Variants in NLRP9 observed in about 807,000 individuals in gnomAD.
The protein encoded by NLRP9 is NACHT, LRR and PYD domains-containing protein 9.
NLRP9 carries 88 observed loss-of-function variants against 83.1 expected under a neutral mutation model. That is an observed-to-expected ratio of 1.06 (90% confidence interval 0.89 to 1.26). The LOEUF (loss-of-function observed/expected upper bound fraction) is 1.26. Among genes scored for constraint, NLRP9 ranks in the 50% most tolerant of loss-of-function variants. The probability of loss-of-function intolerance (pLI) is 0.00; values close to 1 mark genes in which losing one functional copy is unlikely to be tolerated. For synonymous variants in NLRP9, 521 were observed against 447.6 expected (o/e 1.16, Z -2.07); for missense variants, 1,308 against 1,179.3 (o/e 1.11, Z -1.60).
At chr19:55,729,538 G>A (rs557647801) in intron 3 of NLRP9, among the ~76,000 whole-genome samples, 6 of 151,806 alleles carry the variant, frequency 4.0e-5, no homozygotes, top group Non-Finnish European at 5.9e-5. Flanking sequence ...TTCCAGCTTC[G>A]TCCATGTTCC....
At chr19:55,713,007 T>TA (rs1293017258) in intron 6 of NLRP9, among the ~76,000 whole-genome samples, 1 of 143,110 alleles carries the variant, frequency 7.0e-6, no homozygotes, top group Non-Finnish European at 1.5e-5. Context: ...AGCAATGACT[T>TA]CCCAGTTCCT....
At chr19:55,716,626 T>G in intron 5 of NLRP9, 102 bp downstream of exon 5, 1 of 941,096 alleles carries the variant, frequency 1.1e-6, no homozygotes, top group Admixed American at 1.9e-5. Flanking sequence ...GGATTCCGCA[T>G]TCTGCTGCAC....
chr19:55,725,513 CAG>C (rs1371214450), intron 3 of NLRP9, among the ~76,000 whole-genome samples: 2 of 152,126 alleles, frequency 1.3e-5, no homozygotes, highest in Non-Finnish European at 2.9e-5. Flanking sequence ...AATCAAAACA[CAG>C]ATAAGGGCAG....
intron 4 of NLRP9, among the ~76,000 whole-genome samples, chr19:55,718,966 GAGTC>G (rs1333383449): frequency 6.6e-6 from 1 of 152,282 alleles, no homozygotes; most frequent in East Asian, 1.9e-4. Context: ...ATTAAATTGA[GAGTC>G]AGATCCCAGC....
chr19:55,717,466 CAT>C (rs1275034901), intron 4 of NLRP9, among the ~76,000 whole-genome samples: 3 of 152,170 alleles, frequency 2.0e-5, no homozygotes, highest in African/African-American at 4.8e-5. Flanking sequence ...CTAATGGAGA[CAT>C]GTGGAAATGT....
At position 55,732,131 on chromosome 19, in the gene NLRP9, TCTTC is replaced by T; in HGVS notation, c.1696_1699del (p.Glu566LysfsTer9). The T allele has an allele frequency of 1.2e-6, 2 of 1,613,088 alleles. No individual in the cohort carries two copies. The highest frequency in any genetic ancestry group is 1.7e-6 in the Non-Finnish European group (2 of 1,179,640). ...TATGTTACCAATATAAATGAAAACT[TCTTC>T]AAAGAAATTCATCACTTTGGTTACA... On this transcript the variant is annotated frameshift_variant, in exon 2 of 9. Transcript: ENST00000332836. LOFTEE classifies it high-confidence loss of function.
At chr19:55,731,870 A>G in intron 2 of NLRP9, 129 bp downstream of exon 2, 1 of 603,448 alleles carries the variant, frequency 1.7e-6, no homozygotes, top group Non-Finnish European at 2.9e-6. Flanking sequence ...AAGGCTCGAA[A>G]GGAAGGCTTT....
chr19:55,713,622 T>C (rs1469672516), intron 6 of NLRP9, among the ~76,000 whole-genome samples: 4 of 10,456 alleles, frequency 3.8e-4, no homozygotes, highest in Non-Finnish European at 5.7e-4. Flanking sequence ...CTCTCCCTCT[T>C]ACTCCCCTCC....
Position 55,711,928 on chromosome 19 carries a change from G to C in NLRP9, c.2715C>G (p.Ile905Met), listed in dbSNP as rs111292272. 1 of 1,613,162 alleles carries C rather than the reference G, an allele frequency of 6.2e-7. No individual in the cohort carries two copies. Among genetic ancestry groups the C allele is most frequent in the South Asian group, 1.1e-5 (1 of 91,076 alleles). Residue 905 changes from isoleucine to methionine, a missense_variant, in exon 8 of 9, where the codon ATC becomes ATG. Transcript: ENST00000332836. ...TTTTGCAGGCGATGAGTGCTGCGGC[G>C]ATGTCGTCGCAGCAGGCACGGGTGA... ...CPITRACCDDIAAALIACKTL... is the reference protein window; with the variant it reads ...CPITRACCDDMAAALIACKTL...
intron 3 of NLRP9, among the ~76,000 whole-genome samples, chr19:55,726,228 T>C (rs2122316369): frequency 6.6e-6 from 1 of 152,034 alleles, no homozygotes; most frequent in Middle Eastern, 3.4e-3. Flanking sequence ...CAACAGACAA[T>C]ATGGTGGGAA....
Position 55,712,527 on chromosome 19 carries a change from A to G in NLRP9, c.2565T>C (p.Asn855=). The G allele has an allele frequency of 1.2e-6, 2 of 1,612,728 alleles. No homozygotes were observed. The highest frequency in any genetic ancestry group is 1.7e-6 in the Non-Finnish European group (2 of 1,179,862). ...CAAGTTTCAGGGTCTTCAGTTTCCCATTGCAAATAAGAACAGCAGCAATGT... is the reference window on the plus strand; with the variant it reads ...CAAGTTTCAGGGTCTTCAGTTTCCCGTTGCAAATAAGAACAGCAGCAATGT... ...CKDIAAVLIC[N]GKLKTLKLGH... is the part of the protein sequence containing the mutation. Residue 855 remains asparagine, a synonymous_variant, in exon 7 of 9, where the codon AAT becomes AAC. Transcript: ENST00000332836.
At chr19:55,727,820 CTG>C (rs1988446129) in intron 3 of NLRP9, among the ~76,000 whole-genome samples, 1 of 152,186 alleles carries the variant, frequency 6.6e-6, no homozygotes, top group Non-Finnish European at 1.5e-5. Flanking sequence ...CAGAGAAACA[CTG>C]TGCTCCCCAA....
rs753289469 is a variant in NLRP9, at chr19:55,732,727, A to G, written c.1104T>C (p.Tyr368=). ...EINSQNTTYL[Y]ASFLTTVFKA... Reference sequence around the variant, plus strand: ...TGAATACAGTTGTTAAAAAGGATGCATATAAATAGGTGGTGTTTTGGGAGT... The same window carrying G: ...TGAATACAGTTGTTAAAAAGGATGCGTATAAATAGGTGGTGTTTTGGGAGT... Residue 368 remains tyrosine, a synonymous_variant, in exon 2 of 9, where the codon TAT becomes TAC. Coordinates refer to ENST00000332836, the MANE Select transcript of NLRP9 (RefSeq NM_176820.4). 2 of 1,614,040 alleles carry G rather than the reference A, an allele frequency of 1.2e-6. No homozygotes were observed. Among genetic ancestry groups the G allele is most frequent in the South Asian group, 1.1e-5 (1 of 91,088 alleles).
rs1330903883 is a variant in NLRP9, at chr19:55,732,876, T to C, written c.955A>G (p.Lys319Glu). 1 of 1,613,984 alleles carries C rather than the reference T, an allele frequency of 6.2e-7. No individual in the cohort carries two copies. ...YFFGEKSKAL[K>E]VFNFVRDNGP... ...TTATCTCTCACAAAATTGAAGACTT[T>C]CAGGGCTTTGCTCTTCTCACCAAAG... Residue 319 changes from lysine (K) to glutamate (E), a missense_variant, in exon 2 of 9, where the codon AAA becomes GAA. By Grantham distance (56) the Lys-to-Glu change is moderately conservative (BLOSUM62 1). Transcript: ENST00000332836.
intron 7 of NLRP9, 140 bp from the exon 8 acceptor site, chr19:55,712,110 G>A: frequency 1.2e-6 from 1 of 829,546 alleles, no homozygotes; most frequent in Non-Finnish European, 1.9e-6. Context: ...GGACGATTGT[G>A]CTCCTGGGGG....
chr19:55,712,012 G>C, intron 7 of NLRP9, 42 bp from the exon 8 acceptor site: 1 of 1,595,632 alleles, frequency 6.3e-7, no homozygotes. Flanking sequence ...TCTAGCTTTG[G>C]GTAGGCTGGA....
chr19:55,711,861 C>A lies in NLRP9; in HGVS notation c.2782G>T (p.Asp928Tyr). The A allele has an allele frequency of 6.2e-7, 1 of 1,613,400 alleles. No individual in the cohort carries two copies. The highest frequency in any genetic ancestry group is 1.7e-5 in the Admixed American group (1 of 60,010). ...LNLDWIALDADAVVVLCEALS... is the reference protein window; with the variant it reads ...LNLDWIALDAYAVVVLCEALS... ...GCCTCACACAGCACCACCACTGCAT[C>A]AGCATCCAAGGCAATCCAGTCGAGG... Residue 928 changes from aspartate (D) to tyrosine (Y), a missense_variant, in exon 8 of 9, where the codon GAT becomes TAT. Asp to Tyr is a radical substitution (Grantham distance 160). Transcript: ENST00000332836.
intron 8 of NLRP9, chr19:55,711,298 T>C (rs1351546675): frequency 2.2e-6 from 2 of 904,100 alleles, no homozygotes; most frequent in Admixed American, 5.5e-5. Context: ...GAAGGAAAAA[T>C]TAACATAAAA....
intron 2 of NLRP9, among the ~76,000 whole-genome samples, chr19:55,731,340 A>G (rs1334357910): frequency 6.6e-6 from 1 of 151,870 alleles, no homozygotes; most frequent in Admixed American, 6.6e-5. Context: ...AGAAAAGCAC[A>G]GTCTGACAAC....
Sources: gnomAD v4.1 joint callset for allele counts (sites outside exome capture counted in the v4.1 genomes callset) on GRCh38, gnomAD v4.1.1 for gene constraint, MANE v1.5 for transcripts, NCBI Gene and HGNC (gene_info 2026-07-23, HGNC 2026-07-21) for gene names.